The following ERVW-1 variants were observed in gnomAD, a reference collection of about 807,000 sequenced individuals.
ERVW-1 encodes endogenous retrovirus group W member 1, envelope.
Under a neutral mutation model 16.6 loss-of-function variants are expected in ERVW-1, and 21 were observed. The observed-to-expected ratio is 1.26, with a 90% CI of 0.90 to 1.82. The LOEUF is 1.82. Among genes scored for constraint, ERVW-1 ranks in the 40% most tolerant of loss-of-function variants. The probability of loss-of-function intolerance (pLI) is 0.00; values close to 1 mark genes in which losing one functional copy is unlikely to be tolerated. For missense variants in ERVW-1, 412 were observed against 300.2 expected (o/e 1.37, Z -2.75); for synonymous variants, 161 against 109.8 (o/e 1.47, Z -2.92).
At position 92,468,888 on chromosome 7, in the gene ERVW-1, G is replaced by C. The variant is rs552635041; in HGVS notation, c.1494C>G (p.Tyr498Ter). 17 of 764,352 alleles carry C rather than the reference G, an allele frequency of 2.2e-5. No homozygotes were observed. The East Asian group carries it at 4.1e-4, about 19-fold the overall frequency. The allele number at this position is 764,352 out of a possible 1,614,324, so 47.3% of individuals were successfully genotyped here. The change falls in exon 2 of 2, where the codon TAC (tyrosine) becomes TAG (stop). Residue 498 changes from tyrosine (Y) to a stop codon, truncating the protein, a stop_gained. Coordinates refer to ENST00000603053, the MANE Select transcript of ERVW-1 (RefSeq NM_001130925.2). LOFTEE classifies it high-confidence loss of function. ...EPKMQSKTKI[Y>*]RRPLDRPASP... ...TAGCAGGCCGGTCCAGGGGTCTGCG[G>C]TAGATCTTAGTCTTGGACTGCATCT...
At chr7:92,472,533 G>C (rs902706212) in intron 1 of ERVW-1, 2 of 152,202 alleles carry the variant, frequency 1.3e-5, no homozygotes, top group African/African-American at 2.4e-5. Flanking sequence ...GTCTTGCCCT[G>C]TTGGCAAACT....
At chr7:92,471,636 C>A (rs1790356730) in intron 1 of ERVW-1, 1 of 152,192 alleles carries the variant, frequency 6.6e-6, no homozygotes, top group African/African-American at 2.4e-5. Context: ...AGGGTCCTGC[C>A]TTGCAGCTCT....
chr7:92,470,607 A>G lies in ERVW-1; in HGVS notation c.-226T>C, dbSNP rs774042963. The G allele has an allele frequency of 9.3e-5, 42 of 452,386 alleles. No individual in the cohort carries two copies. The highest frequency in any genetic ancestry group is 1.4e-4 in the Non-Finnish European group (36 of 249,982). 28.0% of individuals were successfully genotyped at this position (452,386 alleles called of 1,614,324 possible). ...CTGGGTAGGGTCCTTCCCAGGATGT[A>G]TCTAGGGATGGGGAATTAGAGGGAA... On this transcript the variant is annotated splice_region_variant and 5_prime_UTR_variant, in exon 2 of 2. Transcript: ENST00000603053.
chr7:92,474,155 A>C (rs892384103), intron 1 of ERVW-1, among the ~76,000 whole-genome samples: 1 of 151,842 alleles, frequency 6.6e-6, no homozygotes, highest in Non-Finnish European at 1.5e-5. Flanking sequence ...CCTTTTTTTT[A>C]ATCCCGTTTG....
rs1036616236 is a variant in ERVW-1 at position 92,470,153 on chromosome 7, T to C, written c.229A>G (p.Thr77Ala). 2.6e-6 allele frequency: 2 copies of C among 778,504 alleles called. No homozygotes were observed. The allele number at this position is 778,504 out of a possible 1,614,324, so 48.2% of individuals were successfully genotyped here. The change falls in exon 2 of 2, where the codon ACT becomes GCT. Residue 77 changes from threonine to alanine, a missense_variant. Thr to Ala is a moderately conservative substitution (Grantham distance 58). Coordinates refer to ENST00000603053, the MANE Select transcript of ERVW-1 (RefSeq NM_001130925.2). ...HMPRNCYHSA[T>A]LCMHANTHYW... ...TGAGTATTTGCATGCATGCAAAGAG[T>C]GGCAGAGTGATAGCAGTTGCGGGGC... is the stretch of plus-strand genomic sequence containing the variant.
Position 92,468,942 on chromosome 7 carries a change from G to T in ERVW-1, c.1440C>A (p.Ile480=), listed in dbSNP as rs763551010. 3 of 760,822 alleles carry T rather than the reference G, an allele frequency of 3.9e-6. No homozygotes were observed. In the African/African-American group the frequency reaches 5.2e-5, roughly 13 times the overall value. The allele number at this position is 760,822 out of a possible 1,614,324, so 47.1% of individuals were successfully genotyped here. A position where few individuals can be genotyped will look rare whatever the true frequency, so the allele number is the denominator to read the frequency against. The change falls in exon 2 of 2, where the codon ATC becomes ATA. Residue 480 remains isoleucine (I), a synonymous_variant. Transcript: ENST00000603053. ...GCTCCATTTGTAGTTTTACAGCTTCGATTCTGGAAGAGACAAAGTTAACAA... is the reference window on the plus strand; with the variant it reads ...GCTCCATTTGTAGTTTTACAGCTTCTATTCTGGAAGAGACAAAGTTAACAA... ...NLLVNFVSSR[I]EAVKLQMEPK...
intron 1 of ERVW-1, chr7:92,474,716 C>T (rs1790470628): frequency 1.3e-5 from 2 of 152,214 alleles, no homozygotes; most frequent in South Asian, 2.1e-4. Flanking sequence ...GACATTATAT[C>T]TCTCCATGTC....
intron 1 of ERVW-1, among the ~76,000 whole-genome samples, chr7:92,473,991 G>A (rs2115963130): frequency 6.6e-6 from 1 of 152,240 alleles, no homozygotes; most frequent in Middle Eastern, 3.4e-3. Flanking sequence ...GCATGGACGA[G>A]GGGGCGGCTT....
chr7:92,469,910 G>A lies in ERVW-1; in HGVS notation c.472C>T (p.Leu158Phe), dbSNP rs754297939. 2 of 778,790 alleles carry A rather than the reference G, an allele frequency of 2.6e-6. No individual in the cohort carries two copies. The highest frequency in any genetic ancestry group is 4.8e-6 in the Non-Finnish European group (2 of 417,912). 48.2% of individuals were successfully genotyped at this position (778,790 alleles called of 1,614,324 possible). The change falls in exon 2 of 2, where the codon CTC becomes TTC. Residue 158 changes from leucine to phenylalanine, a missense_variant. Leu to Phe is a conservative substitution (Grantham distance 22, BLOSUM62 0). Coordinates refer to ENST00000603053, the MANE Select transcript of ERVW-1 (RefSeq NM_001130925.2). ...GLDLSKLHET[L>F]RTHTRLVSLF... The stretch of plus-strand genomic sequence containing the variant: ...CTTACCAGGCGAGTATGGGTACGGA[G>A]GGTTTCATGTAGTTTTGAGAGATCT...
chr7:92,476,069 C>G (rs1313788415), intron 1 of ERVW-1, among the ~76,000 whole-genome samples: 1 of 152,286 alleles, frequency 6.6e-6, no homozygotes, highest in African/African-American at 2.4e-5. Context: ...ATCTATCGTC[C>G]TGTCCTGAAG....
chr7:92,477,122 G>A (rs537793272), intron 1 of ERVW-1, among the ~76,000 whole-genome samples: 1 of 152,268 alleles, frequency 6.6e-6, no homozygotes, highest in South Asian at 2.1e-4. Context: ...AGTTCAGGAC[G>A]ACAGCTTTCT....
At chr7:92,477,045 G>T (rs914401462) in intron 1 of ERVW-1, among the ~76,000 whole-genome samples, 1 of 152,194 alleles carries the variant, frequency 6.6e-6, no homozygotes, top group African/African-American at 2.4e-5. Flanking sequence ...AGGAAAGATA[G>T]GGGTGCATGC....
rs1314683624 is a variant in ERVW-1, at chr7:92,470,256, C to T, written c.126G>A (p.Gln42=). The stretch of plus-strand genomic sequence containing the variant: ...ATGGGGCATCAATATTTCCGGGACG[C>T]TGCATTCTCCATAGAAACTCTTGGT... ...SPYQEFLWRM[Q]RPGNIDAPSY... Residue 42 remains glutamine (Q), a synonymous_variant, in exon 2 of 2, where the codon CAG becomes CAA. Transcript: ENST00000603053. 1 of 778,710 alleles carries T rather than the reference C, an allele frequency of 1.3e-6. No homozygotes were observed. The highest frequency in any genetic ancestry group is 2.4e-5 in the East Asian group (1 of 41,250). 48.2% of individuals were successfully genotyped at this position (778,710 alleles called of 1,614,324 possible).
At chr7:92,473,950 G>A (rs1243845774) in intron 1 of ERVW-1, among the ~76,000 whole-genome samples, 1 of 152,136 alleles carries the variant, frequency 6.6e-6, no homozygotes, top group South Asian at 2.1e-4. Flanking sequence ...CTGGGGCAGT[G>A]GGCCTTCCAG....
intron 1 of ERVW-1, chr7:92,475,043 C>T (rs1436596786): frequency 1.3e-5 from 2 of 152,074 alleles, no homozygotes; most frequent in Non-Finnish European, 2.9e-5. Flanking sequence ...TCCTGTAGGG[C>T]ATAAATCACA....
rs148816569 is a variant in ERVW-1, at chr7:92,474,140, G to A, written c.-228+3242C>T. On this transcript the variant is annotated intron_variant, in intron 1 of 1. Coordinates refer to ENST00000603053, the MANE Select transcript of ERVW-1 (RefSeq NM_001130925.2). ...CTTGCCTGAGGGTCATGACTAAAGC[G>A]GTGGCCTTTTTTTTAATCCCGTTTG... Among the ~76,000 whole-genome samples the A allele has an allele frequency of 5.2e-3, 795 of 152,110 alleles. 11 individuals are homozygous for A. Among genetic ancestry groups the A allele is most frequent in the African/African-American group, 0.018 (749 of 41,486 alleles).
chr7:92,468,867 A>G lies in ERVW-1; in HGVS notation c.1515T>C (p.Pro505=). ...CATTAACATCAGATCGTGGGCTAGCAGGCCGGTCCAGGGGTCTGCGGTAGA... is the reference window on the plus strand; with the variant it reads ...CATTAACATCAGATCGTGGGCTAGCGGGCCGGTCCAGGGGTCTGCGGTAGA... ...TKIYRRPLDR[P]ASPRSDVNDI... The change falls in exon 2 of 2, where the codon CCT becomes CCC. Residue 505 remains proline (P), a synonymous_variant. Coordinates refer to ENST00000603053, the MANE Select transcript of ERVW-1 (RefSeq NM_001130925.2). The G allele has an allele frequency of 1.3e-6, 1 of 764,388 alleles. No individual in the cohort carries two copies. The highest frequency in any genetic ancestry group is 2.4e-6 in the Non-Finnish European group (1 of 417,856). The allele number at this position is 764,388 out of a possible 1,614,324, so 47.4% of individuals were successfully genotyped here.
chr7:92,472,268 C>G (rs1344528140), intron 1 of ERVW-1: 2 of 152,228 alleles, frequency 1.3e-5, no homozygotes, highest in South Asian at 2.1e-4. Flanking sequence ...CTGACAGCCA[C>G]AAGTCTCCTT....
chr7:92,475,291 G>A (rs959220556), intron 1 of ERVW-1: 2 of 152,044 alleles, frequency 1.3e-5, no homozygotes. Context: ...TTTGTCTTGC[G>A]GGGAACGTTT....
Sources: gnomAD v4.1 joint callset for allele counts (sites outside exome capture counted in the v4.1 genomes callset) on GRCh38, gnomAD v4.1.1 for gene constraint, MANE v1.5 for transcripts, NCBI Gene and HGNC (gene_info 2026-07-23, HGNC 2026-07-21) for gene names.